EEF2: variants seen among roughly 807,000 people sequenced by gnomAD.
The protein encoded by EEF2 is eukaryotic translation elongation factor 2.
Under a neutral mutation model 85.3 loss-of-function variants are expected in EEF2, and 21 were observed. The observed-to-expected ratio is 0.25, with a 90% CI of 0.17 to 0.35. The LOEUF is 0.35. EEF2 is among the 10% of genes least tolerant of loss of function. The pLI is 1.00. For synonymous variants in EEF2, 723 were observed against 508.8 expected (o/e 1.42, Z -5.67); for missense variants, 825 against 1,225.3 (o/e 0.67, Z 4.88).
In EEF2 at chr19:3,977,291, G is replaced by A. The variant is rs35805642; in HGVS notation, c.2307C>T (p.His769=). Residue 769 remains histidine (H), a synonymous_variant, in exon 14 of 15, where the codon CAC becomes CAT. Coordinates refer to ENST00000309311, the MANE Select transcript of EEF2 (RefSeq NM_001961.4). The surrounding 1 kb of genome is among the most constrained non-coding windows in gnomAD (Gnocchi z 5.4). Reference sequence around the variant, plus strand: ...CGGCCACCTGGGACTCCTCGAACACGTGGCCCCGCTTCCTGTTCAAAACCC... The same window carrying A: ...CGGCCACCTGGGACTCCTCGAACACATGGCCCCGCTTCCTGTTCAAAACCC... ...IYGVLNRKRG[H]VFEESQVAGT... is the part of the protein sequence containing the mutation. 0.012 allele frequency: 18,780 copies of A among 1,608,414 alleles called. 169 individuals are homozygous for A. Among genetic ancestry groups the A allele is most frequent in the Non-Finnish European group, 0.013 (15,646 of 1,177,474 alleles).
At chr19:3,980,370 A>AACAAAAGTTGTGGCT in intron 9 of EEF2, 144 bp downstream of exon 9, 3 of 1,127,220 alleles carry the variant, frequency 2.7e-6, no homozygotes, top group Non-Finnish European at 3.7e-6. Context: ...CTGGGCTAAG[A>AACAAAAGTTGTGGCT]ACAAAAGTTG....
rs758294276 is a variant in EEF2 at position 3,979,395 on chromosome 19, G to A, written c.1647C>T (p.Ala549=). The change falls in exon 11 of 15, where the codon GCC becomes GCT. Residue 549 remains alanine (A), a synonymous_variant. Coordinates refer to ENST00000309311, the MANE Select transcript of EEF2 (RefSeq NM_001961.4). ...GGCAGATCTCCAGGTGCAGCTCGCC[G>A]GCGCCCGCGATGATATGCTCTCCCG... is the stretch of plus-strand genomic sequence containing the variant. ...EESGEHIIAG[A]GELHLEICLK... 4.6e-5 allele frequency: 75 copies of A among 1,613,790 alleles called. No individual in the cohort carries two copies. The highest frequency in any genetic ancestry group is 3.3e-4 in the East Asian group (15 of 44,888).
chr19:3,979,750 G>A, intron 10 of EEF2, 58 bp downstream of exon 10: 6 of 1,577,550 alleles, frequency 3.8e-6, no homozygotes, highest in Non-Finnish European at 5.2e-6. Context: ...CCACAACTCA[G>A]GACACAAGCC....
At chr19:3,981,076 C>T in intron 7 of EEF2, 97 bp from the exon 8 acceptor site, 3 of 1,483,778 alleles carry the variant, frequency 2.0e-6, no homozygotes, top group Non-Finnish European at 2.7e-6. Context: ...AAGCCAAAGT[C>T]AGGACTAACG....
chr19:3,981,832 C>T (rs755500817), intron 6 of EEF2, 115 bp downstream of exon 6: 9 of 926,892 alleles, frequency 9.7e-6, no homozygotes, highest in Non-Finnish European at 1.3e-5. Flanking sequence ...CCTCCCATCT[C>T]GCATCTGCCC....
Position 3,976,524 on chromosome 19 carries a change from CG to C in EEF2, c.*29del. 6.3e-7 allele frequency: 1 copy of C among 1,579,186 alleles called. No homozygotes were observed. ...TGGTGCTGTGGGTGCTGCGAGTCCC[CG>C]GGGCGGCAGGCGCTGCAGGAAGGGC... is the stretch of plus-strand genomic sequence containing the variant. On this transcript the variant is annotated 3_prime_UTR_variant, in exon 15 of 15. Transcript: ENST00000309311.
rs1042417250 is a variant in EEF2 at position 3,981,975 on chromosome 19, C to T, written c.869G>A (p.Cys290Tyr). ...GAAGATGGGGTCCAGGATCAGCTGG[C>T]AGAAGGTGCGTGGCAGCTTCTTCCC... Reference protein sequence around the residue: ...PEGKKLPRTFCQLILDPIFKV... With the variant: ...PEGKKLPRTFYQLILDPIFKV... Residue 290 changes from cysteine (C) to tyrosine (Y), a missense_variant, in exon 6 of 15, where the codon TGC becomes TAC. Coordinates refer to ENST00000309311, the MANE Select transcript of EEF2 (RefSeq NM_001961.4). 1 of 1,614,034 alleles carries T rather than the reference C, an allele frequency of 6.2e-7. No homozygotes were observed. The highest frequency in any genetic ancestry group is 1.3e-5 in the African/African-American group (1 of 74,948).
chr19:3,982,683 T>A, intron 4 of EEF2, 124 bp downstream of exon 4: 1 of 1,207,390 alleles, frequency 8.3e-7, no homozygotes. Context: ...CCAGCCCCCT[T>A]CTCTGTCACC....
chr19:3,984,913 T>G (rs532576995), intron 1 of EEF2: 1 of 173,110 alleles, frequency 5.8e-6, no homozygotes, highest in Non-Finnish European at 1.2e-5. Flanking sequence ...GGTCGACGAT[T>G]AACAGCATCA....
chr19:3,977,479 C>T lies in EEF2; in HGVS notation c.2199G>A (p.Val733=). Residue 733 remains valine (V), a synonymous_variant, in exon 13 of 15, where the codon GTG becomes GTA. Coordinates refer to ENST00000309311, the MANE Select transcript of EEF2 (RefSeq NM_001961.4). The surrounding 1 kb of genome is among the most constrained non-coding windows in gnomAD (Gnocchi z 5.4). The stretch of plus-strand genomic sequence containing the variant: ...CCATGAGGCGTGGCTGGGCGGTCAG[C>T]ACACTGGCATAGAGGCAGCGCCGTG... The part of the protein sequence containing the change: ...PTARRCLYAS[V]LTAQPRLMEP... 6.3e-7 allele frequency: 1 copy of T among 1,585,862 alleles called. No homozygotes were observed.
chr19:3,977,598 C>A lies in EEF2; in HGVS notation c.2080G>T (p.Glu694Ter). The change falls in exon 13 of 15, where the codon GAG (glutamate) becomes TAG (stop). Residue 694 changes from glutamate to a stop codon, truncating the protein, a stop_gained. Coordinates refer to ENST00000309311, the MANE Select transcript of EEF2 (RefSeq NM_001961.4). LOFTEE classifies it high-confidence loss of function. This position sits in a 1 kb window ranked among gnomAD's most constrained non-coding sequence, Gnocchi z 5.4. ...QWATKEGALC[E>*]ENMRGVRFDV... The stretch of plus-strand genomic sequence containing the variant: ...AAGCGCACACCCCGCATGTTCTCCT[C>A]ACACAGTGCGCCCTGGGGGAGGGGG... 1 of 1,530,272 alleles carries A rather than the reference C, an allele frequency of 6.5e-7. No individual in the cohort carries two copies. Among genetic ancestry groups the A allele is most frequent in the Non-Finnish European group, 8.8e-7 (1 of 1,142,468 alleles). 94.8% of individuals were successfully genotyped at this position (1,530,272 alleles called of 1,614,324 possible). A position where few individuals can be genotyped will look rare whatever the true frequency, so the allele number is the denominator to read the frequency against.
intron 1 of EEF2, 34 bp downstream of exon 1, chr19:3,985,344 C>T: frequency 6.9e-7 from 1 of 1,459,620 alleles, no homozygotes; most frequent in Non-Finnish European, 9.1e-7. Context: ...GCCCCGCCGC[C>T]GCTCCGGGGC....
intron 1 of EEF2, 58 bp from the exon 2 acceptor site, chr19:3,984,408 C>A: frequency 6.3e-7 from 1 of 1,575,626 alleles, no homozygotes; most frequent in Non-Finnish European, 8.7e-7. Context: ...CAGCATGGCA[C>A]GGAGCGTTCA....
intron 6 of EEF2, 73 bp downstream of exon 6, chr19:3,981,874 C>G: frequency 1.4e-6 from 2 of 1,419,942 alleles, no homozygotes; most frequent in Non-Finnish European, 2.0e-6. Flanking sequence ...AGCCGACAGG[C>G]TACCGGCCGG....
chr19:3,977,259 G>C lies in EEF2; in HGVS notation c.2339C>G (p.Pro780Arg). The change falls in exon 14 of 15, where the codon CCC becomes CGC. Residue 780 changes from proline to arginine, a missense_variant. By Grantham distance (103) the Pro-to-Arg change is moderately radical. Coordinates refer to ENST00000309311, the MANE Select transcript of EEF2 (RefSeq NM_001961.4). The surrounding 1 kb of genome is among the most constrained non-coding windows in gnomAD (Gnocchi z 5.4). ...CAGATAGGCCTTGACCACAAACATG[G>C]GGGTGCCGGCCACCTGGGACTCCTC... Reference protein sequence around the residue: ...VFEESQVAGTPMFVVKAYLPV... With the variant: ...VFEESQVAGTRMFVVKAYLPV... 6.2e-7 allele frequency: 1 copy of C among 1,613,392 alleles called. No individual in the cohort carries two copies. The highest frequency in any genetic ancestry group is 8.5e-7 in the Non-Finnish European group (1 of 1,179,770).
At chr19:3,984,731 G>A (rs111797494) in intron 1 of EEF2, 5 of 225,248 alleles carry the variant, frequency 2.2e-5, no homozygotes, top group Admixed American at 2.1e-4. Context: ...CCCCGAGCAA[G>A]AAGCTTCATC....
chr19:3,978,250 T>C (rs2039701221), intron 11 of EEF2, 78 bp from the exon 12 acceptor site: 10 of 1,306,046 alleles, frequency 7.7e-6, no homozygotes, highest in Non-Finnish European at 1.0e-5. Context: ...TAAAAGCTTT[T>C]CCTAGCAAGG....
chr19:3,978,989 G>A (rs540463433), intron 11 of EEF2, among the ~76,000 whole-genome samples: 40 of 151,822 alleles, frequency 2.6e-4, no homozygotes, highest in Non-Finnish European at 3.7e-4. Flanking sequence ...TTAGCCGGGC[G>A]TGGTAGCACG....
intron 2 of EEF2, chr19:3,983,764 A>G: frequency 3.1e-6 from 1 of 326,350 alleles, no homozygotes; most frequent in Non-Finnish European, 5.8e-6. Context: ...GGGGCCAGAA[A>G]CTGACATGGA....
Sources: allele counts gnomAD v4.1 joint callset (sites outside exome capture counted in the v4.1 genomes callset), GRCh38; gene constraint gnomAD v4.1.1; non-coding constraint Gnocchi (gnomAD v3.1); transcripts MANE v1.5; gene names NCBI Gene and HGNC (gene_info 2026-07-23, HGNC 2026-07-21).